Variants in RTN3 observed in about 807,000 individuals in gnomAD.
RTN3 encodes reticulon-3.
In RTN3, 49 loss-of-function variants were observed where a neutral mutation model predicts 77.8. That is an observed-to-expected ratio of 0.63 (90% CI 0.50 to 0.80). The LOEUF is 0.80. RTN3 is among the 30% of genes least tolerant of loss of function. RTN3 has a pLI of 0.00. For synonymous variants in RTN3, 464 were observed against 446.9 expected (o/e 1.04, Z -0.48); for missense variants, 1,236 against 1,211.9 (o/e 1.02, Z -0.29).
intron 1 of RTN3, among the ~76,000 whole-genome samples, chr11:63,693,342 G>A (rs545274601): frequency 3.3e-5 from 5 of 152,140 alleles, no homozygotes; most frequent in African/African-American, 1.2e-4. Context: ...AATTAGCTGG[G>A]CATGGTGGCA....
chr11:63,699,888 GA>G (rs2134697788), intron 1 of RTN3, among the ~76,000 whole-genome samples: 1 of 152,286 alleles, frequency 6.6e-6, no homozygotes, highest in South Asian at 2.1e-4. Context: ...GCTACTTAAT[GA>G]AAATGGTTTC....
chr11:63,710,649 T>C (rs992526038), intron 2 of RTN3, among the ~76,000 whole-genome samples: 3 of 152,156 alleles, frequency 2.0e-5, no homozygotes, highest in African/African-American at 7.2e-5. Context: ...GGGATTTTTA[T>C]GGGACTAGAG....
intron 1 of RTN3, among the ~76,000 whole-genome samples, chr11:63,694,283 TCTC>T (rs1941818383): frequency 6.6e-6 from 1 of 151,808 alleles, no homozygotes; most frequent in Non-Finnish European, 1.5e-5. Context: ...TTCAAGCAAT[TCTC>T]CTGCCTCAGC....
chr11:63,719,814 G>A lies in RTN3; in HGVS notation c.1312G>A (p.Gly438Ser). ...TKEFSIKGVQ[G>S]NMQKQDDTLA... ...AGAATTCAGTATCAAAGGTGTGCAA[G>A]GCAATATGCAGAAACAGGATGACAC... The change falls in exon 3 of 9, where the codon GGC (glycine) becomes AGC (serine). Residue 438 changes from glycine to serine, a missense_variant. Gly to Ser is a moderately conservative substitution (Grantham distance 56). Around this residue, in one of 3 missense-constraint regions of RTN3, gnomAD observed 1,056 missense variants for 990.4 expected, o/e 1.07. Transcript: ENST00000377819. 3 of 1,614,158 alleles carry A rather than the reference G, an allele frequency of 1.9e-6. No individual in the cohort carries two copies. Among genetic ancestry groups the A allele is most frequent in the East Asian group, 2.2e-5 (1 of 44,880 alleles).
intron 3 of RTN3, among the ~76,000 whole-genome samples, chr11:63,746,502 T>C (rs1351268141): frequency 6.6e-6 from 1 of 152,008 alleles, no homozygotes; most frequent in African/African-American, 2.4e-5. Context: ...GTTAAGGAAA[T>C]TTTGCTTTTT....
intron 2 of RTN3, among the ~76,000 whole-genome samples, chr11:63,716,687 C>G (rs551774028): frequency 6.4e-4 from 98 of 152,110 alleles, no homozygotes; most frequent in Non-Finnish European, 1.3e-3. Flanking sequence ...AAAATCAGGC[C>G]AGGCGCGGTG....
rs201753132 is a variant in RTN3 at position 63,759,868 on chromosome 11, TAAA to T, written c.*1679_*1681del. ...AAATTTCAAATTGATGTGGTATTAA[TAAA>T]AAAAAAAAAAACACAAACAATGACT... On this transcript the variant is annotated 3_prime_UTR_variant, in exon 9 of 9. Coordinates refer to ENST00000377819, the MANE Select transcript of RTN3 (RefSeq NM_001265589.2). The T allele has an allele frequency of 7.9e-3, 1,113 of 140,006 alleles. 35 individuals are homozygous for T. In the East Asian group the frequency reaches 0.12, roughly 15 times the overall value. 8.7% of individuals were successfully genotyped at this position (140,006 alleles called of 1,614,324 possible).
In RTN3 at chr11:63,722,016, T is replaced by C. The variant is rs367749382; in HGVS notation, c.2530+984T>C. 7.9e-5 allele frequency among the ~76,000 whole-genome samples: 12 copies of C among 152,346 alleles called. No individual in the cohort carries two copies. The East Asian group carries it at 1.3e-3, about 17-fold the overall frequency. ...TACCAGAAACCCCTTCTCTTGTCTT[T>C]TATCTATTTCAAATGATCACTTTTC... On this transcript the variant is annotated intron_variant, in intron 3 of 8. Transcript: ENST00000377819.
intron 1 of RTN3, among the ~76,000 whole-genome samples, chr11:63,695,917 A>G (rs1941914012): frequency 6.6e-6 from 1 of 152,198 alleles, no homozygotes; most frequent in African/African-American, 2.4e-5. Context: ...TCTCTAAAAA[A>G]TAATAAATAG....
intron 5 of RTN3, 136 bp downstream of exon 5, chr11:63,752,781 T>C: frequency 1.1e-6 from 1 of 909,390 alleles, no homozygotes; most frequent in Non-Finnish European, 1.7e-6. Flanking sequence ...TATAATGGGA[T>C]AGGTGTCACT....
At chr11:63,735,550 TTCTCTCTCTCTCTCTCTCTCTCTC>T (rs71468640) in intron 3 of RTN3, among the ~76,000 whole-genome samples, 7 of 42,686 alleles carry the variant, frequency 1.6e-4, no homozygotes, top group African/African-American at 2.7e-4. Context: ...ATTCTAACAT[TTCTCTCTCTCTCTCTCTCTCTCTC>T]TCTCTCTCTC....
chr11:63,725,147 G>A (rs1017828761), intron 3 of RTN3, among the ~76,000 whole-genome samples: 4 of 151,870 alleles, frequency 2.6e-5, no homozygotes, highest in Admixed American at 1.3e-4. Context: ...TTCCCCAGAC[G>A]TAACACCGTC....
At chr11:63,747,482 A>C (rs1248261432) in intron 3 of RTN3, among the ~76,000 whole-genome samples, 1 of 152,192 alleles carries the variant, frequency 6.6e-6, no homozygotes, top group Non-Finnish European at 1.5e-5. Context: ...TCGGGTTCCC[A>C]TCAGGAGTCA....
chr11:63,699,809 T>C (rs971528907), intron 1 of RTN3, among the ~76,000 whole-genome samples: 1 of 152,220 alleles, frequency 6.6e-6, no homozygotes, highest in African/African-American at 2.4e-5. Context: ...ACAGTTTTAC[T>C]GGTGCATATT....
intron 3 of RTN3, 88 bp downstream of exon 3, chr11:63,721,120 C>A: frequency 8.5e-7 from 1 of 1,181,310 alleles, no homozygotes; most frequent in Non-Finnish European, 1.2e-6. Context: ...TGATTTATAC[C>A]TACAAAATTA....
chr11:63,685,986 C>G (rs772418558), intron 1 of RTN3, among the ~76,000 whole-genome samples: 1 of 152,060 alleles, frequency 6.6e-6, no homozygotes, highest in Non-Finnish European at 1.5e-5. Flanking sequence ...AGGATGGCTT[C>G]CCAGATTTCT....
intron 3 of RTN3, among the ~76,000 whole-genome samples, chr11:63,725,342 C>G (rs1326056556): frequency 6.6e-6 from 1 of 151,792 alleles, no homozygotes; most frequent in South Asian, 2.1e-4. Context: ...TGTAGTAATC[C>G]ATTATATGAA....
rs753691356 is a variant in RTN3, at chr11:63,720,458, G to T, written c.1956G>T (p.Glu652Asp). The T allele has an allele frequency of 3.4e-5, 55 of 1,613,294 alleles. No homozygotes were observed. The highest frequency in any genetic ancestry group is 4.5e-5 in the Non-Finnish European group (53 of 1,179,742). Residue 652 changes from glutamate to aspartate, a missense_variant, in exon 3 of 9, where the codon GAG becomes GAT. Physicochemically the swap from Glu to Asp is conservative, Grantham distance 45. Around this residue, in one of 3 missense-constraint regions of RTN3, gnomAD observed 1,056 missense variants for 990.4 expected, o/e 1.07. Transcript: ENST00000377819. The part of the protein sequence containing the change: ...NVKHIDDSSP[E>D]DLIAAFTETR... ...AACATATAGATGATTCCTCCCCAGA[G>T]GACCTGATAGCAGCCTTTACAGAAA... is the stretch of plus-strand genomic sequence containing the variant.
intron 3 of RTN3, among the ~76,000 whole-genome samples, chr11:63,749,038 G>A (rs1186942): frequency 3.5e-4 from 54 of 152,208 alleles, no homozygotes; most frequent in Middle Eastern, 3.4e-3. Flanking sequence ...TCACAGCACT[G>A]TGGGAGGCCA....
Sources: allele counts gnomAD v4.1 joint callset (sites outside exome capture counted in the v4.1 genomes callset), GRCh38; gene constraint gnomAD v4.1.1; regional missense constraint gnomAD v4.1.1; transcripts MANE v1.5; gene names NCBI Gene and HGNC (gene_info 2026-07-23, HGNC 2026-07-21).